NPAS2: variants seen among roughly 807,000 people sequenced by gnomAD.
The protein encoded by NPAS2 is neuronal PAS domain-containing protein 2.
A neutral mutation model predicts 107.5 loss-of-function variants in NPAS2; 23 were observed. That is an observed-to-expected ratio of 0.21 (90% CI 0.15 to 0.30). NPAS2 has a LOEUF of 0.30. Ranked by LOEUF, NPAS2 falls within the 10% of genes least tolerant of loss-of-function variation. The pLI, the probability that NPAS2 is intolerant of heterozygous loss-of-function variation, is 1.00. For missense variants in NPAS2, 756 were observed against 1,043.3 expected (o/e 0.72, Z 3.79); for synonymous variants, 403 against 417.5 (o/e 0.97, Z 0.42).
At chr2:100,936,967 G>C (rs1271202804) in intron 4 of NPAS2, among the ~76,000 whole-genome samples, 1 of 125,442 alleles carries the variant, frequency 8.0e-6, no homozygotes, top group South Asian at 2.9e-4. Context: ...GGGTGACAGT[G>C]AGACTCCATC....
At chr2:100,967,124 A>T (rs7340468) in intron 10 of NPAS2, among the ~76,000 whole-genome samples, 28,592 of 152,088 alleles carry the variant, frequency 0.19, 3,561 homozygotes, top group East Asian at 0.47. Flanking sequence ...ACATTCAGCA[A>T]TTGAAAGGCT....
At chr2:100,883,696 A>G (rs896432365) in intron 1 of NPAS2, among the ~76,000 whole-genome samples, 1 of 152,098 alleles carries the variant, frequency 6.6e-6, no homozygotes, top group African/African-American at 2.4e-5. Flanking sequence ...CTTGCCCAGA[A>G]TAGTACATGA....
chr2:100,917,283 T>C (rs1238602272), intron 2 of NPAS2, among the ~76,000 whole-genome samples: 1 of 152,158 alleles, frequency 6.6e-6, no homozygotes, highest in African/African-American at 2.4e-5. Context: ...TCCCAGCAGG[T>C]TGAGAGGCCA....
At chr2:100,934,959 G>A (rs758738023) in intron 4 of NPAS2, 5 of 985,262 alleles carry the variant, frequency 5.1e-6, no homozygotes, top group Non-Finnish European at 6.0e-6. Context: ...AACCCATCAT[G>A]TCCCTAGGGA....
intron 1 of NPAS2, among the ~76,000 whole-genome samples, chr2:100,865,250 A>G (rs145204224): frequency 5.9e-5 from 9 of 152,322 alleles, no homozygotes; most frequent in East Asian, 1.9e-4. Context: ...CCTGAACTCA[A>G]CTACGAATCT....
intron 1 of NPAS2, among the ~76,000 whole-genome samples, chr2:100,837,702 C>T (rs1677154781): frequency 6.6e-6 from 1 of 152,202 alleles, no homozygotes; most frequent in Admixed American, 6.5e-5. Context: ...GGGTTAGCTG[C>T]TAATCTGATT....
chr2:100,896,907 C>T (rs936647433), intron 1 of NPAS2, among the ~76,000 whole-genome samples: 22 of 152,036 alleles, frequency 1.4e-4, no homozygotes, highest in Non-Finnish European at 3.2e-4. Flanking sequence ...TGTATTAGTC[C>T]ATTCTCATGC....
In NPAS2 at chr2:100,950,767, G is replaced by A. The variant is rs116253360; in HGVS notation, c.598+1287G>A. Among the ~76,000 whole-genome samples, 284 of 152,298 alleles carry A rather than the reference G, an allele frequency of 1.9e-3. 1 individual carries two copies. Among genetic ancestry groups the A allele is most frequent in the African/African-American group, 6.1e-3 (253 of 41,562 alleles). Reference sequence around the variant, plus strand: ...GACCCATCCAGGGCTTAAGATGGTCGGAAGTGGTGGGAAGTCCATCGTCCC... The same window carrying A: ...GACCCATCCAGGGCTTAAGATGGTCAGAAGTGGTGGGAAGTCCATCGTCCC... On this transcript the variant is annotated intron_variant, in intron 7 of 20. Coordinates refer to ENST00000335681, the MANE Select transcript of NPAS2 (RefSeq NM_002518.4).
chr2:100,964,780 A>G, intron 8 of NPAS2, 81 bp from the exon 9 acceptor site: 1 of 790,050 alleles, frequency 1.3e-6, no homozygotes, highest in Non-Finnish European at 2.1e-6. Context: ...TCTGTTACCC[A>G]CCACGCGTTC....
chr2:100,858,270 A>T (rs968708705), intron 1 of NPAS2, among the ~76,000 whole-genome samples: 10 of 152,198 alleles, frequency 6.6e-5, no homozygotes, highest in African/African-American at 2.4e-4. Context: ...GACCAGCAAG[A>T]CGTAGAGAAA....
chr2:100,848,269 C>T (rs1023901471), intron 1 of NPAS2, among the ~76,000 whole-genome samples: 30 of 152,168 alleles, frequency 2.0e-4, no homozygotes, highest in Non-Finnish European at 4.0e-4. Context: ...CCCTGCTTTT[C>T]CCATTGGCCC....
At chr2:100,863,049 A>G (rs1361101055) in intron 1 of NPAS2, among the ~76,000 whole-genome samples, 1 of 152,198 alleles carries the variant, frequency 6.6e-6, no homozygotes, top group Non-Finnish European at 1.5e-5. Context: ...TAGCCCGTGC[A>G]CAGCAGTGCC....
At chr2:100,907,719 T>C (rs992180867) in intron 2 of NPAS2, among the ~76,000 whole-genome samples, 2 of 152,194 alleles carry the variant, frequency 1.3e-5, no homozygotes, top group African/African-American at 4.8e-5. Context: ...AGGCTTTCGA[T>C]GCTTTAGGGA....
chr2:100,975,074 T>C (rs968176013), intron 13 of NPAS2, 130 bp downstream of exon 13: 27 of 939,066 alleles, frequency 2.9e-5, no homozygotes, highest in Non-Finnish European at 4.1e-5. Context: ...GTGCAGTTTA[T>C]ACTCCTCCTT....
chr2:100,968,001 A>T lies in NPAS2; in HGVS notation c.908-280A>T, dbSNP rs1435337341. Among the ~76,000 whole-genome samples, 2 of 152,164 alleles carry T rather than the reference A, an allele frequency of 1.3e-5. No homozygotes were observed. Among genetic ancestry groups the T allele is most frequent in the African/African-American group, 4.8e-5 (2 of 41,436 alleles). On this transcript the variant is annotated intron_variant, in intron 10 of 20. Coordinates refer to ENST00000335681, the MANE Select transcript of NPAS2 (RefSeq NM_002518.4). The surrounding 1 kb of genome is among the most constrained non-coding windows in gnomAD (Gnocchi z 5.3). ...GCAAACCTGAGCCTCTGTTTCATTAAACCTGCAGTTTGAAAATCTGTCTGC... is the reference window on the plus strand; with the variant it reads ...GCAAACCTGAGCCTCTGTTTCATTATACCTGCAGTTTGAAAATCTGTCTGC...
intron 5 of NPAS2, among the ~76,000 whole-genome samples, chr2:100,947,564 A>AAG (rs1302405234): frequency 6.6e-6 from 1 of 151,734 alleles, no homozygotes; most frequent in Non-Finnish European, 1.5e-5. Context: ...AAAAAAAAAA[A>AAG]ACAAATTAAA....
At chr2:100,971,425 A>G (rs1676551526) in intron 12 of NPAS2, among the ~76,000 whole-genome samples, 3 of 151,684 alleles carry the variant, frequency 2.0e-5, no homozygotes, top group South Asian at 4.2e-4. Flanking sequence ...CATCTCCTCC[A>G]CAGATAAGAC....
At position 100,838,168 on chromosome 2, in the gene NPAS2, G is replaced by T. The variant is rs1202491724; in HGVS notation, c.-23+17754G>T. ...CAAGCCCTGAAATTGTCATCCCTGGGTTAGCTTTTTTTTTTTTTTTTAATA... is the reference window on the plus strand; with the variant it reads ...CAAGCCCTGAAATTGTCATCCCTGGTTTAGCTTTTTTTTTTTTTTTTAATA... On this transcript the variant is annotated intron_variant, in intron 1 of 20. Coordinates refer to ENST00000335681, the MANE Select transcript of NPAS2 (RefSeq NM_002518.4). Among the ~76,000 whole-genome samples, 5 of 148,812 alleles carry T rather than the reference G, an allele frequency of 3.4e-5. No homozygotes were observed. The East Asian group carries it at 1.1e-3, about 33-fold the overall frequency.
chr2:100,898,278 C>T (rs766668950), intron 1 of NPAS2, among the ~76,000 whole-genome samples: 8 of 152,082 alleles, frequency 5.3e-5, no homozygotes, highest in Non-Finnish European at 8.8e-5. Context: ...CCAGACGACT[C>T]GTGGCCTCAG....
Sources: allele counts gnomAD v4.1 joint callset (sites outside exome capture counted in the v4.1 genomes callset), GRCh38; gene constraint gnomAD v4.1.1; non-coding constraint Gnocchi (gnomAD v3.1); transcripts MANE v1.5; gene names NCBI Gene and HGNC (gene_info 2026-07-23, HGNC 2026-07-21).